The following RUBCNL variants were observed in gnomAD, a reference collection of about 807,000 sequenced individuals.
The protein encoded by RUBCNL is protein associated with UVRAG as autophagy enhancer.
In RUBCNL, 62 loss-of-function variants were observed where a neutral mutation model predicts 69.5. The observed-to-expected ratio is 0.89, with a 90% CI of 0.73 to 1.10. RUBCNL has a LOEUF of 1.10. Ranked by LOEUF, RUBCNL falls within the 50% of genes least tolerant of loss-of-function variation. The pLI is 0.00. For missense variants in RUBCNL, 768 were observed against 798.1 expected (o/e 0.96, Z 0.45); for synonymous variants, 291 against 303.6 (o/e 0.96, Z 0.43).
In RUBCNL at chr13:46,350,310, A is replaced by T; in HGVS notation, c.1372T>A (p.Tyr458Asn). 1 of 1,569,788 alleles carries T rather than the reference A, an allele frequency of 6.4e-7. No homozygotes were observed. Among genetic ancestry groups the T allele is most frequent in the Non-Finnish European group, 8.6e-7 (1 of 1,156,214 alleles). ...RLRYCEYLGK[Y>N]FCDCCHSYAE... Reference sequence around the variant, plus strand: ...TATGAGTGGCAGCAGTCACAGAAATACTTCCCTAGGTATTCGCAGTACCGG... The same window carrying T: ...TATGAGTGGCAGCAGTCACAGAAATTCTTCCCTAGGTATTCGCAGTACCGG... Residue 458 changes from tyrosine (Y) to asparagine (N), a missense_variant, in exon 11 of 15, where the codon TAT (tyrosine) becomes AAT (asparagine). By Grantham distance (143) the Tyr-to-Asn change is moderately radical (BLOSUM62 -2). Coordinates refer to ENST00000429979, the MANE Select transcript of RUBCNL (RefSeq NM_025113.5).
At chr13:46,354,481 G>T (rs898148863) in intron 10 of RUBCNL, among the ~76,000 whole-genome samples, 2 of 152,172 alleles carry the variant, frequency 1.3e-5, no homozygotes, top group Non-Finnish European at 2.9e-5. Flanking sequence ...GAATTTAACA[G>T]GAAAAGCCCA....
At chr13:46,388,072 C>T (rs1004315884), upstream of RUBCNL, among the ~76,000 whole-genome samples, 1 of 151,540 alleles carries the variant, frequency 6.6e-6, no homozygotes, top group Admixed American at 6.6e-5. Context: ...ATTAGCCGAG[C>T]GTGGTGGCGG....
rs2048123460 is a variant in RUBCNL, at chr13:46,339,129, G to A, written c.*4256C>T. ...AGCTCTTCAATCCTCAGTCCCCTTG[G>A]CTTGGAGAGCTGCCCAGATATGCGA... On this transcript the variant is annotated 3_prime_UTR_variant, in exon 15 of 15. Coordinates refer to ENST00000429979, the MANE Select transcript of RUBCNL (RefSeq NM_025113.5). 6.6e-6 allele frequency among the ~76,000 whole-genome samples: 1 copy of A among 152,010 alleles called. No individual in the cohort carries two copies. Among genetic ancestry groups the A allele is most frequent in the South Asian group, 2.1e-4 (1 of 4,814 alleles).
At chr13:46,348,517 T>C (rs560339482) in intron 12 of RUBCNL, among the ~76,000 whole-genome samples, 68 of 152,174 alleles carry the variant, frequency 4.5e-4, no homozygotes, top group African/African-American at 1.6e-3. Flanking sequence ...CCACATGTCA[T>C]GGAAGGAGCC....
intron 1 of RUBCNL, among the ~76,000 whole-genome samples, chr13:46,384,402 A>G (rs934440172): frequency 9.9e-5 from 15 of 152,248 alleles, no homozygotes; most frequent in Non-Finnish European, 1.3e-4. Flanking sequence ...ACATTTCTTT[A>G]TAAGAATAAT....
At chr13:46,374,844 AG>A (rs1212360737) in intron 2 of RUBCNL, among the ~76,000 whole-genome samples, 2 of 152,114 alleles carry the variant, frequency 1.3e-5, no homozygotes, top group African/African-American at 4.8e-5. Context: ...TTCTAACCCT[AG>A]GAATGCTGTT....
intron 10 of RUBCNL, among the ~76,000 whole-genome samples, chr13:46,352,594 T>TG (rs1329703914): frequency 1.3e-5 from 2 of 151,626 alleles, no homozygotes; most frequent in Non-Finnish European, 2.9e-5. Flanking sequence ...CACCTGAGGT[T>TG]GGGAATTTGA....
chr13:46,360,159 TG>T, intron 8 of RUBCNL, among the ~76,000 whole-genome samples: 1 of 151,970 alleles, frequency 6.6e-6, no homozygotes, highest in Non-Finnish European at 1.5e-5. Context: ...GAGGCCGAGG[TG>T]GGTGGATCAC....
chr13:46,372,415 C>A lies in RUBCNL; in HGVS notation c.61G>T (p.Asp21Tyr). The change falls in exon 3 of 15, where the codon GAT (aspartate) becomes TAT (tyrosine). Residue 21 changes from aspartate to tyrosine, a missense_variant. Coordinates refer to ENST00000429979, the MANE Select transcript of RUBCNL (RefSeq NM_025113.5). ...SPVEPWEGISDHSGIIDGSPR... is the reference protein window; with the variant it reads ...SPVEPWEGISYHSGIIDGSPR... Reference sequence around the variant, plus strand: ...GAACCATCAATAATGCCAGAGTGATCGCTGATCCCTTCCCAGGGCTCCACA... The same window carrying A: ...GAACCATCAATAATGCCAGAGTGATAGCTGATCCCTTCCCAGGGCTCCACA... The A allele has an allele frequency of 6.2e-7, 1 of 1,612,896 alleles. No homozygotes were observed. The highest frequency in any genetic ancestry group is 1.7e-4 in the Middle Eastern group (1 of 6,052).
chr13:46,373,950 C>A (rs1336600989), intron 2 of RUBCNL, among the ~76,000 whole-genome samples: 1 of 152,238 alleles, frequency 6.6e-6, no homozygotes, highest in Non-Finnish European at 1.5e-5. Context: ...TTCCAATTGC[C>A]CAAGCCTGAA....
intron 3 of RUBCNL, 103 bp downstream of exon 3, chr13:46,371,838 G>T: frequency 1.7e-6 from 2 of 1,167,752 alleles, no homozygotes; most frequent in Non-Finnish European, 1.2e-6. Flanking sequence ...ATTAGATGAG[G>T]CAATGCATTG....
chr13:46,374,181 G>A (rs747495678), intron 2 of RUBCNL, among the ~76,000 whole-genome samples: 2 of 152,186 alleles, frequency 1.3e-5, no homozygotes, highest in Non-Finnish European at 2.9e-5. Flanking sequence ...CCAGGTTCAA[G>A]CAGTTCTCTG....
At chr13:46,376,395 A>T (rs1221995373) in intron 2 of RUBCNL, among the ~76,000 whole-genome samples, 1 of 152,136 alleles carries the variant, frequency 6.6e-6, no homozygotes, top group Admixed American at 6.5e-5. Flanking sequence ...ACATATATAA[A>T]CATATACATG....
Position 46,345,601 on chromosome 13 carries a change from C to T in RUBCNL, c.1632-1G>A, listed in dbSNP as rs746818745. On this transcript the variant is annotated splice_acceptor_variant, in intron 12 of 14. Transcript: ENST00000429979. LOFTEE classifies it high-confidence loss of function. ...CACCTGCTCGAACTCCTTTAATGCA[C>T]TGCCAGAGAGGAAACAAAGAGGAAT... 8 of 1,613,154 alleles carry T rather than the reference C, an allele frequency of 5.0e-6. No individual in the cohort carries two copies. In the Admixed American group the frequency reaches 5.0e-5, roughly 10 times the overall value.
chr13:46,359,226 C>T lies in RUBCNL; in HGVS notation c.1265+260G>A, dbSNP rs140711123. On this transcript the variant is annotated intron_variant, in intron 9 of 14. Coordinates refer to ENST00000429979, the MANE Select transcript of RUBCNL (RefSeq NM_025113.5). ...AAGCCTATTTAATTTTCAGTTGCTA[C>T]GCAATATTGACAATTAGGGTTGCAT... Among the ~76,000 whole-genome samples the T allele has an allele frequency of 1.6e-4, 25 of 151,780 alleles. No homozygotes were observed. The East Asian group carries it at 3.3e-3, about 20-fold the overall frequency.
At chr13:46,388,199 CAAAAAAAAAA>C (rs71074779), upstream of RUBCNL, among the ~76,000 whole-genome samples, 7 of 68,202 alleles carry the variant, frequency 1.0e-4, no homozygotes, top group African/African-American at 4.0e-4. Flanking sequence ...GCAAGACTGT[CAAAAAAAAAA>C]AAAAAAAAAA....
rs1228840981 is a variant in RUBCNL at position 46,335,343 on chromosome 13, A to G, written c.*8042T>C. Among the ~76,000 whole-genome samples the G allele has an allele frequency of 6.9e-6, 1 of 144,128 alleles. No individual in the cohort carries two copies. The highest frequency in any genetic ancestry group is 1.5e-5 in the Non-Finnish European group (1 of 67,130). 94.6% of individuals were successfully genotyped at this position (144,128 alleles called of 152,430 possible). A position where few individuals can be genotyped will look rare whatever the true frequency, so the allele number is the denominator to read the frequency against. ...GGTCACAAACTCCTGGGCTCAAGTC[A>G]TCCTCCTGCATTGGCCTCCCAAAGT... On this transcript the variant is annotated 3_prime_UTR_variant, in exon 15 of 15. Coordinates refer to ENST00000429979, the MANE Select transcript of RUBCNL (RefSeq NM_025113.5).
At chr13:46,348,692 C>G (rs1332682206) in intron 12 of RUBCNL, among the ~76,000 whole-genome samples, 1 of 151,544 alleles carries the variant, frequency 6.6e-6, no homozygotes. Context: ...CAACCTCTGC[C>G]TCCCAGGTTC....
chr13:46,383,397 C>T (rs1289858198), intron 1 of RUBCNL, among the ~76,000 whole-genome samples: 1 of 152,244 alleles, frequency 6.6e-6, no homozygotes, highest in Admixed American at 6.5e-5. Context: ...TAACCACTCT[C>T]TCCATGTACT....
Sources: allele counts gnomAD v4.1 joint callset (sites outside exome capture counted in the v4.1 genomes callset), GRCh38; gene constraint gnomAD v4.1.1; transcripts MANE v1.5; gene names NCBI Gene and HGNC (gene_info 2026-07-23, HGNC 2026-07-21).